Variants in TMTC1 observed in about 807,000 individuals in gnomAD.
TMTC1 encodes the protein protein O-mannosyl-transferase TMTC1.
TMTC1 carries 73 observed loss-of-function variants against 104.8 expected under a neutral mutation model. The ratio of observed to expected loss-of-function variants is 0.70; its 90% CI spans 0.58 to 0.85. The LOEUF (loss-of-function observed/expected upper bound fraction) is 0.85. Among genes scored for constraint, TMTC1 ranks in the 40% least tolerant of loss-of-function variants. The pLI is 0.00. For synonymous variants in TMTC1, 434 were observed against 428.7 expected, an observed-to-expected ratio of 1.01 and a Z score of -0.15; for missense variants, 1,035 against 1,096.1, an observed-to-expected ratio of 0.94 and a Z score of 0.79.
rs111794323 is a variant in TMTC1, at chr12:29,693,175, C to A, written c.938+58491G>T. Among the ~76,000 whole-genome samples, 71 of 144,302 alleles carry A rather than the reference C, an allele frequency of 4.9e-4. 6 individuals are homozygous for A. The highest frequency in any genetic ancestry group is 1.7e-3 in the African/African-American group (68 of 39,482). The allele number at this position is 144,302 out of a possible 152,430, so 94.7% of individuals were successfully genotyped here. A position where few individuals can be genotyped will look rare whatever the true frequency, so the allele number is the denominator to read the frequency against. On this transcript the variant is annotated intron_variant, in intron 5 of 17. Transcript: ENST00000539277. ...GTACAGAGGGATATTTAAATACATACGATGTGTACTGATCAAATCAGCTGT... is the reference window on the plus strand; with the variant it reads ...GTACAGAGGGATATTTAAATACATAAGATGTGTACTGATCAAATCAGCTGT...
chr12:29,771,762 G>A (rs1943599786), intron 1 of TMTC1, among the ~76,000 whole-genome samples: 1 of 152,136 alleles, frequency 6.6e-6, no homozygotes, highest in South Asian at 2.1e-4. Context: ...CACCTTCACA[G>A]GAGAACTTCA....
At chr12:29,702,230 T>C (rs151147263) in intron 5 of TMTC1, among the ~76,000 whole-genome samples, 137 of 152,290 alleles carry the variant, frequency 9.0e-4, no homozygotes, top group Non-Finnish European at 1.6e-3. Context: ...TACACCCACC[T>C]TCATTTACCT....
At position 29,572,268 on chromosome 12, in the gene TMTC1, G is replaced by T. The variant is rs752167814; in HGVS notation, c.1419-50C>A. On this transcript the variant is annotated intron_variant, in intron 8 of 17. Coordinates refer to ENST00000539277, the MANE Select transcript of TMTC1 (RefSeq NM_001193451.2). Reference sequence around the variant, plus strand: ...GAATTATTTGACAAAGAATATTATTGTCAGATTCCTTTATGTTTTACTCAG... The same window carrying T: ...GAATTATTTGACAAAGAATATTATTTTCAGATTCCTTTATGTTTTACTCAG... 1.3e-5 allele frequency: 18 copies of T among 1,405,336 alleles called. No individual in the cohort carries two copies. The African/African-American group carries it at 2.4e-4, about 19-fold the overall frequency. 87.1% of individuals were successfully genotyped at this position (1,405,336 alleles called of 1,614,324 possible).
At chr12:29,617,294 A>G (rs1490087359) in intron 6 of TMTC1, among the ~76,000 whole-genome samples, 3 of 152,038 alleles carry the variant, frequency 2.0e-5, no homozygotes, top group Non-Finnish European at 2.9e-5. Context: ...GTGCTTTGTC[A>G]AAGCACTCTT....
intron 5 of TMTC1, among the ~76,000 whole-genome samples, chr12:29,703,152 A>C (rs1473444469): frequency 6.6e-6 from 1 of 152,048 alleles, no homozygotes; most frequent in Non-Finnish European, 1.5e-5. Context: ...TCAAAAAAAA[A>C]AAAAAAGGAA....
chr12:29,750,779 G>A (rs1221391344), intron 5 of TMTC1, among the ~76,000 whole-genome samples: 1 of 152,224 alleles, frequency 6.6e-6, no homozygotes, highest in East Asian at 1.9e-4. Flanking sequence ...CATCAGCAGA[G>A]AAACTCAACT....
chr12:29,520,882 A>T, intron 11 of TMTC1, 162 bp from the exon 12 acceptor site: 1 of 602,918 alleles, frequency 1.7e-6, no homozygotes, highest in Non-Finnish European at 2.9e-6. Context: ...GTTTGAATTA[A>T]AGGCAATATT....
At chr12:29,639,260 A>G (rs1305406601) in intron 5 of TMTC1, among the ~76,000 whole-genome samples, 1 of 152,206 alleles carries the variant, frequency 6.6e-6, no homozygotes, top group Non-Finnish European at 1.5e-5. Flanking sequence ...AAGAAATGAT[A>G]GATTAATGAG....
Position 29,616,689 on chromosome 12 carries a change from AAC to A in TMTC1, c.1129-12392_1129-12391del, listed in dbSNP as rs1362099551. ...GGTCTCAAAAAAAAAAAAAAAAAAA[AAC>A]ATTTTCTGCTGTTCAGCCCTTTGTA... On this transcript the variant is annotated intron_variant, in intron 6 of 17. Transcript: ENST00000539277. Among the ~76,000 whole-genome samples the A allele has an allele frequency of 3.6e-3, 539 of 150,904 alleles. 4 individuals are homozygous for A. The highest frequency in any genetic ancestry group is 0.013 in the African/African-American group (515 of 40,662).
chr12:29,633,617 T>G (rs1017461278), intron 5 of TMTC1, among the ~76,000 whole-genome samples: 4 of 152,180 alleles, frequency 2.6e-5, no homozygotes, highest in African/African-American at 9.7e-5. Context: ...ATCATACAAA[T>G]AAACATATTA....
At chr12:29,643,325 A>T (rs1257779640) in intron 5 of TMTC1, among the ~76,000 whole-genome samples, 1 of 149,826 alleles carries the variant, frequency 6.7e-6, no homozygotes, top group Non-Finnish European at 1.5e-5. Flanking sequence ...TTATTATTCG[A>T]AAAAGATACT....
At chr12:29,637,224 T>C (rs1251159931) in intron 5 of TMTC1, among the ~76,000 whole-genome samples, 1 of 152,198 alleles carries the variant, frequency 6.6e-6, no homozygotes, top group Non-Finnish European at 1.5e-5. Flanking sequence ...TTCAGCTAGC[T>C]GTCCAACAGC....
At chr12:29,641,360 C>A (rs936470506) in intron 5 of TMTC1, 2 of 152,396 alleles carry the variant, frequency 1.3e-5, no homozygotes, top group Non-Finnish European at 2.9e-5. Context: ...GCCACCTCCA[C>A]TGGAACAGAC....
chr12:29,635,837 G>A (rs1440116258), intron 5 of TMTC1, among the ~76,000 whole-genome samples: 3 of 152,288 alleles, frequency 2.0e-5, no homozygotes, highest in Middle Eastern at 3.4e-3. Context: ...AAACAAGTAC[G>A]TTGTAATTAT....
At chr12:29,625,606 A>G (rs139319711) in intron 6 of TMTC1, among the ~76,000 whole-genome samples, 176 of 152,314 alleles carry the variant, frequency 1.2e-3, no homozygotes, top group African/African-American at 4.1e-3. Context: ...AGTTTTTAGG[A>G]TGCATTAAAG....
intron 7 of TMTC1, among the ~76,000 whole-genome samples, chr12:29,594,829 A>G (rs1946366696): frequency 6.6e-6 from 1 of 152,184 alleles, no homozygotes; most frequent in Admixed American, 6.5e-5. Context: ...GCAGAATGCT[A>G]ACTTGCTAAG....
chr12:29,648,025 G>C (rs546870171), intron 5 of TMTC1, among the ~76,000 whole-genome samples: 1 of 152,280 alleles, frequency 6.6e-6, no homozygotes, highest in South Asian at 2.1e-4. Flanking sequence ...TTGGGCTTTT[G>C]TTTTTATCCT....
chr12:29,528,797 A>G (rs1222311673), intron 11 of TMTC1, among the ~76,000 whole-genome samples: 1 of 152,154 alleles, frequency 6.6e-6, no homozygotes, highest in African/African-American at 2.4e-5. Context: ...GACTATATAT[A>G]TCAATATTTA....
At chr12:29,658,340 C>G (rs949722085) in intron 5 of TMTC1, 4 of 152,082 alleles carry the variant, frequency 2.6e-5, no homozygotes, top group Admixed American at 6.6e-5. Context: ...TAATTTTTTA[C>G]AGTCCACAGG....
Sources: gnomAD v4.1 joint callset for allele counts (sites outside exome capture counted in the v4.1 genomes callset) on GRCh38, gnomAD v4.1.1 for gene constraint, MANE v1.5 for transcripts, NCBI Gene and HGNC (gene_info 2026-07-23, HGNC 2026-07-21) for gene names.